RASGRF1: variants seen among roughly 807,000 people sequenced by gnomAD.
The protein encoded by RASGRF1 is ras-specific guanine nucleotide-releasing factor 1.
Under a neutral mutation model 138.7 loss-of-function variants are expected in RASGRF1, and 40 were observed. The ratio of observed to expected loss-of-function variants is 0.29; its 90% confidence interval spans 0.22 to 0.38. The LOEUF (loss-of-function observed/expected upper bound fraction) is 0.38. Ranked by LOEUF, RASGRF1 falls within the 10% of genes least tolerant of loss-of-function variation. The probability of loss-of-function intolerance (pLI) is 1.00; values close to 1 mark genes in which losing one functional copy is unlikely to be tolerated. For synonymous variants in RASGRF1, 614 were observed against 663.2 expected (o/e 0.93, Z 1.14); for missense variants, 1,108 against 1,650.4 (o/e 0.67, Z 5.69).
intron 12 of RASGRF1, among the ~76,000 whole-genome samples, chr15:79,016,674 G>A (rs147090697): frequency 1.3e-5 from 2 of 152,314 alleles, no homozygotes; most frequent in African/African-American, 2.4e-5. Context: ...GAAGACATGT[G>A]GGAAGACTCA....
intron 1 of RASGRF1, among the ~76,000 whole-genome samples, chr15:79,068,336 G>A (rs1343371648): frequency 2.6e-5 from 4 of 151,918 alleles, no homozygotes; most frequent in African/African-American, 2.4e-5. Context: ...TGGAAAGGGG[G>A]TCTTATCTGG....
chr15:78,998,434 G>A (rs1462472589), intron 18 of RASGRF1, among the ~76,000 whole-genome samples: 3 of 152,204 alleles, frequency 2.0e-5, no homozygotes, highest in African/African-American at 7.2e-5. Context: ...TCTTTCAGCT[G>A]GCTGCACCCC....
chr15:79,015,815 G>A (rs1034173715), intron 12 of RASGRF1, among the ~76,000 whole-genome samples: 1 of 152,190 alleles, frequency 6.6e-6, no homozygotes, highest in Non-Finnish European at 1.5e-5. Context: ...TCTCCTGGGA[G>A]GCCAGCCCAG....
At chr15:78,974,601 C>T (rs773004255) in intron 24 of RASGRF1, among the ~76,000 whole-genome samples, 3 of 152,198 alleles carry the variant, frequency 2.0e-5, no homozygotes, top group African/African-American at 7.2e-5. Context: ...CATGAATTCA[C>T]GTGGTAAGAA....
chr15:78,998,944 G>T (rs1166415466), intron 17 of RASGRF1, 119 bp from the exon 18 acceptor site: 3 of 724,708 alleles, frequency 4.1e-6, no homozygotes, highest in Non-Finnish European at 5.0e-6. Flanking sequence ...GGGGTCATGG[G>T]CAGGGGGATA....
chr15:78,984,625 G>C (rs1309600452), intron 23 of RASGRF1: 1 of 277,236 alleles, frequency 3.6e-6, no homozygotes, highest in Non-Finnish European at 7.1e-6. Flanking sequence ...TCTGACGGAA[G>C]GGTCCTCCGA....
chr15:78,985,392 T>C (rs1049636666), intron 22 of RASGRF1, 188 bp from the exon 23 acceptor site: 1 of 579,006 alleles, frequency 1.7e-6, no homozygotes, highest in East Asian at 2.9e-5. Flanking sequence ...GAAAAGTTTA[T>C]ATATACATTA....
Position 79,037,446 on chromosome 15 carries a change from CTAT to C in RASGRF1, c.879-2239_879-2237del, listed in dbSNP as rs564297781. On this transcript the variant is annotated intron_variant, in intron 5 of 26. Coordinates refer to ENST00000558480, the MANE Select transcript of RASGRF1 (RefSeq NM_001145648.3). The stretch of plus-strand genomic sequence containing the variant: ...ATTACATTTATTGTGCACTTTATTT[CTAT>C]TATTATTATTATTATTATTATATTT... 2.1e-4 allele frequency among the ~76,000 whole-genome samples: 32 copies of C among 150,910 alleles called. No homozygotes were observed. In the East Asian group the frequency reaches 2.9e-3, roughly 14 times the overall value.
rs576559475 is a variant in RASGRF1, at chr15:79,090,142, C to G, written c.276+81G>C. The G allele has an allele frequency of 4.4e-5, 63 of 1,447,042 alleles. No homozygotes were observed. In the South Asian group the frequency reaches 7.0e-4, roughly 16 times the overall value. The allele number at this position is 1,447,042 out of a possible 1,614,324, so 89.6% of individuals were successfully genotyped here. On this transcript the variant is annotated intron_variant, in intron 1 of 26. Transcript: ENST00000558480. ...AAGAGTAGAGGGGCCAAAGTTCAAGCGCCATCAGCCAGCCGAAGGCCCTGA... is the reference window on the plus strand; with the variant it reads ...AAGAGTAGAGGGGCCAAAGTTCAAGGGCCATCAGCCAGCCGAAGGCCCTGA...
At chr15:79,083,173 A>G (rs1002925271) in intron 1 of RASGRF1, among the ~76,000 whole-genome samples, 2 of 152,166 alleles carry the variant, frequency 1.3e-5, no homozygotes, top group African/African-American at 4.8e-5. Flanking sequence ...CTCCTCAGTG[A>G]AGGAGGCTGG....
chr15:79,085,000 C>G (rs1435568724), intron 1 of RASGRF1, among the ~76,000 whole-genome samples: 1 of 152,176 alleles, frequency 6.6e-6, no homozygotes, highest in Non-Finnish European at 1.5e-5. Context: ...CTCACCTGGA[C>G]TCTGGGTTCC....
At chr15:78,970,640 AAAAAAGAAAAAG>A (rs1199784163) in intron 26 of RASGRF1, among the ~76,000 whole-genome samples, 6 of 150,520 alleles carry the variant, frequency 4.0e-5, no homozygotes, top group African/African-American at 1.5e-4. Flanking sequence ...AAAAAAAAAA[AAAAAAGAAAAAG>A]AAAAAGAAAA....
chr15:79,046,525 G>A lies in RASGRF1; in HGVS notation c.878+221C>T, dbSNP rs547165537. Among the ~76,000 whole-genome samples the A allele has an allele frequency of 6.6e-6, 1 of 152,352 alleles. No individual in the cohort carries two copies. The highest frequency in any genetic ancestry group is 2.1e-4 in the South Asian group (1 of 4,832). On this transcript the variant is annotated intron_variant, in intron 5 of 26. Transcript: ENST00000558480. The surrounding 1 kb of genome is among the most constrained non-coding windows in gnomAD (Gnocchi z 5.3). ...AAAACTGCCCCAGTTGAGGCCCACT[G>A]GTTTGGACCTATACTTTGTGAGCCT...
rs74024501 is a variant in RASGRF1 at position 78,981,083 on chromosome 15, A to G, written c.3415-384T>C. Reference sequence around the variant, plus strand: ...TTCATTTTCCTGATCTTTCTCATGAACTAGACCCAAAGGATGTGACCGTCA... The same window carrying G: ...TTCATTTTCCTGATCTTTCTCATGAGCTAGACCCAAAGGATGTGACCGTCA... On this transcript the variant is annotated intron_variant, in intron 23 of 26. Transcript: ENST00000558480. 1,059 of 162,714 alleles carry G rather than the reference A, an allele frequency of 6.5e-3. 14 individuals are homozygous for G. Among genetic ancestry groups the G allele is most frequent in the African/African-American group, 0.024 (1,014 of 42,026 alleles). 10.1% of individuals were successfully genotyped at this position (162,714 alleles called of 1,614,324 possible).
intron 22 of RASGRF1, 81 bp downstream of exon 22, chr15:78,990,108 A>G (rs749550429): frequency 1.7e-6 from 2 of 1,162,540 alleles, no homozygotes; most frequent in Admixed American, 1.7e-5. Flanking sequence ...AGCCAGGTGT[A>G]TAGCCCGTTC....
At chr15:79,013,513 A>G (rs765552701) in intron 13 of RASGRF1, among the ~76,000 whole-genome samples, 1 of 152,276 alleles carries the variant, frequency 6.6e-6, no homozygotes, top group Non-Finnish European at 1.5e-5. Flanking sequence ...CATATTCTGC[A>G]TTAAACGCAT....
intron 5 of RASGRF1, among the ~76,000 whole-genome samples, chr15:79,038,492 C>A (rs753016598): frequency 7.2e-5 from 11 of 152,158 alleles, no homozygotes; most frequent in Non-Finnish European, 1.5e-4. Flanking sequence ...CTCATATTGA[C>A]TTGATTTGCT....
chr15:78,999,734 C>T lies in RASGRF1; in HGVS notation c.2746+9G>A, dbSNP rs749321656. On this transcript the variant is annotated intron_variant, in intron 17 of 26. Coordinates refer to ENST00000558480, the MANE Select transcript of RASGRF1 (RefSeq NM_001145648.3). ...GGAGGACCCTGTGAGTGGAGAACACCCCACATACCTGCACTGGCTAAGGAC... is the reference window on the plus strand; with the variant it reads ...GGAGGACCCTGTGAGTGGAGAACACTCCACATACCTGCACTGGCTAAGGAC... The T allele has an allele frequency of 1.5e-5, 24 of 1,612,222 alleles. No homozygotes were observed. Among genetic ancestry groups the T allele is most frequent in the Admixed American group, 5.0e-5 (3 of 59,988 alleles).
In RASGRF1 at chr15:79,006,591, A is replaced by C. The variant is rs1455097420; in HGVS notation, c.1827-157T>G. ...GGAAGGATGACACTGAAGGAGGGCT[A>C]CAACTTCTTTTTCCCAATATCCTAA... On this transcript the variant is annotated intron_variant, in intron 13 of 26. Transcript: ENST00000558480. This position sits in a 1 kb window ranked among gnomAD's most constrained non-coding sequence, Gnocchi z 4.0. Among the ~76,000 whole-genome samples the C allele has an allele frequency of 6.6e-6, 1 of 152,238 alleles. No homozygotes were observed. The highest frequency in any genetic ancestry group is 2.4e-5 in the African/African-American group (1 of 41,452).
Sources: allele counts gnomAD v4.1 joint callset (sites outside exome capture counted in the v4.1 genomes callset), GRCh38; gene constraint gnomAD v4.1.1; non-coding constraint Gnocchi (gnomAD v3.1); transcripts MANE v1.5; gene names NCBI Gene and HGNC (gene_info 2026-07-23, HGNC 2026-07-21).